The following RFX4 variants were observed in gnomAD, a reference collection of about 807,000 sequenced individuals.
RFX4 encodes the protein transcription factor RFX4.
In RFX4, 10 loss-of-function variants were observed where a neutral mutation model predicts 95.0. That is an observed-to-expected ratio of 0.11 (90% confidence interval 0.06 to 0.18). RFX4 has a LOEUF of 0.18. Among genes scored for constraint, RFX4 ranks in the 10% least tolerant of loss-of-function variants. RFX4 has a pLI of 1.00. For missense variants in RFX4, 640 were observed against 922.0 expected, an observed-to-expected ratio of 0.69 and a Z score of 3.96; for synonymous variants, 321 against 340.7, an observed-to-expected ratio of 0.94 and a Z score of 0.64.
intron 1 of RFX4, among the ~76,000 whole-genome samples, chr12:106,601,637 A>G (rs2137183891): frequency 6.6e-6 from 1 of 152,306 alleles, no homozygotes; most frequent in East Asian, 1.9e-4. Flanking sequence ...GTGCCTCAGG[A>G]ACAAAACTCA....
At chr12:106,697,280 G>T (rs996927940) in intron 8 of RFX4, among the ~76,000 whole-genome samples, 4 of 152,022 alleles carry the variant, frequency 2.6e-5, no homozygotes, top group Admixed American at 2.6e-4. Context: ...CCTTCCTGTT[G>T]GGACTGTTAC....
At chr12:106,612,035 A>C (rs1412426298) in intron 2 of RFX4, among the ~76,000 whole-genome samples, 1 of 152,210 alleles carries the variant, frequency 6.6e-6, no homozygotes, top group Non-Finnish European at 1.5e-5. Flanking sequence ...TGAAATCAGG[A>C]AATGTGTGAC....
chr12:106,584,947 G>A (rs781625852), intron 1 of RFX4, among the ~76,000 whole-genome samples: 1 of 152,196 alleles, frequency 6.6e-6, no homozygotes, highest in Non-Finnish European at 1.5e-5. Context: ...CTCCGGACAC[G>A]GCAGGCCCCG....
chr12:106,707,933 G>A (rs1430462929), intron 8 of RFX4, among the ~76,000 whole-genome samples: 1 of 152,218 alleles, frequency 6.6e-6, no homozygotes, highest in Non-Finnish European at 1.5e-5. Flanking sequence ...AGGAGTTCGA[G>A]ACCAGCCTGG....
At chr12:106,711,925 A>G (rs1415063576) in intron 10 of RFX4, among the ~76,000 whole-genome samples, 1 of 152,210 alleles carries the variant, frequency 6.6e-6, no homozygotes, top group African/African-American at 2.4e-5. Context: ...TATTTTTAGC[A>G]CAAAAGTGAC....
intron 2 of RFX4, among the ~76,000 whole-genome samples, chr12:106,622,827 G>C (rs983400338): frequency 8.4e-6 from 1 of 119,222 alleles, no homozygotes; most frequent in African/African-American, 3.3e-5. Flanking sequence ...CACCATGTTG[G>C]CCAGGATGGT....
Position 106,583,185 on chromosome 12 carries a change from G to A in RFX4, c.-136G>A. The A allele has an allele frequency of 1.5e-6, 1 of 677,524 alleles. No individual in the cohort carries two copies. The allele number at this position is 677,524 out of a possible 1,614,324, so 42.0% of individuals were successfully genotyped here. A position where few individuals can be genotyped will look rare whatever the true frequency, so the allele number is the denominator to read the frequency against. On this transcript the variant is annotated 5_prime_UTR_variant, in exon 1 of 18. It adds an upstream start codon to the 5' untranslated region. Coordinates refer to ENST00000392842, the MANE Select transcript of RFX4 (RefSeq NM_213594.3). ...TCTTTTCCTTTCCTCCTTTATCCTT[G>A]TGCCCCCTCACTTTCTGCGTCTCTC...
chr12:106,686,592 T>G (rs1489514092), intron 5 of RFX4, among the ~76,000 whole-genome samples: 1 of 151,954 alleles, frequency 6.6e-6, no homozygotes. Context: ...TAATGGAAAA[T>G]TTTTCATCCC....
At chr12:106,757,968 A>C (rs965792601) in intron 17 of RFX4, among the ~76,000 whole-genome samples, 2 of 152,244 alleles carry the variant, frequency 1.3e-5, no homozygotes, top group African/African-American at 4.8e-5. Flanking sequence ...GGCACCTCTC[A>C]TACACTCCTT....
At chr12:106,699,333 T>C (rs1368670376) in intron 8 of RFX4, among the ~76,000 whole-genome samples, 3 of 152,188 alleles carry the variant, frequency 2.0e-5, no homozygotes, top group Admixed American at 6.5e-5. Context: ...ATGTGGCCTA[T>C]TGGTGAATGT....
In RFX4 at chr12:106,720,975, T is replaced by C. The variant is rs1172411829; in HGVS notation, c.1351+99T>C. 1 of 1,003,616 alleles carries C rather than the reference T, an allele frequency of 1.0e-6. No individual in the cohort carries two copies. Among genetic ancestry groups the C allele is most frequent in the Admixed American group, 1.9e-5 (1 of 53,012 alleles). The allele number at this position is 1,003,616 out of a possible 1,614,324, so 62.2% of individuals were successfully genotyped here. On this transcript the variant is annotated intron_variant, in intron 13 of 17. Coordinates refer to ENST00000392842, the MANE Select transcript of RFX4 (RefSeq NM_213594.3). The surrounding 1 kb of genome is among the most constrained non-coding windows in gnomAD (Gnocchi z 4.2). ...AGTCTAACTTGCTGTTTCTGCAAGG[T>C]CATCACCCTGAAACACATCTCTTCT...
chr12:106,693,456 G>C (rs936966746), intron 7 of RFX4, among the ~76,000 whole-genome samples: 1 of 152,148 alleles, frequency 6.6e-6, no homozygotes, highest in African/African-American at 2.4e-5. Flanking sequence ...TATAAAAAAG[G>C]GGGTACGGCT....
intron 2 of RFX4, among the ~76,000 whole-genome samples, chr12:106,627,467 G>C (rs1330175962): frequency 6.6e-6 from 1 of 152,138 alleles, no homozygotes; most frequent in South Asian, 2.1e-4. Context: ...CCTGGGAGGT[G>C]AAGAGGTTGC....
rs1163891542 is a variant in RFX4, at chr12:106,604,115, CTT to C, written c.44-4661_44-4660del. Reference sequence around the variant, plus strand: ...GTTTATATCACTACAGCTTCTCTCTCTTTTTTTTTTTTTTTTTTTTTTGAGAA... The same window carrying C: ...GTTTATATCACTACAGCTTCTCTCTCTTTTTTTTTTTTTTTTTTTTGAGAA... On this transcript the variant is annotated intron_variant, in intron 1 of 17. Transcript: ENST00000392842. Among the ~76,000 whole-genome samples the C allele has an allele frequency of 2.1e-3, 235 of 112,794 alleles. 4 individuals carry two copies. Among genetic ancestry groups the C allele is most frequent in the African/African-American group, 7.9e-3 (218 of 27,592 alleles). The allele number at this position is 112,794 out of a possible 152,430, so 74.0% of individuals were successfully genotyped here.
intron 4 of RFX4, among the ~76,000 whole-genome samples, chr12:106,656,942 C>T (rs961005914): frequency 2.6e-5 from 4 of 152,234 alleles, no homozygotes; most frequent in African/African-American, 9.6e-5. Flanking sequence ...ACTCTAATGG[C>T]ATTAAGAACA....
At chr12:106,757,580 G>A (rs1363367355) in intron 17 of RFX4, among the ~76,000 whole-genome samples, 1 of 151,520 alleles carries the variant, frequency 6.6e-6, no homozygotes, top group Admixed American at 6.6e-5. Context: ...CAGCAGATGT[G>A]GACTGTCTGA....
intron 15 of RFX4, among the ~76,000 whole-genome samples, chr12:106,739,416 C>T (rs1383304261): frequency 1.3e-5 from 2 of 151,840 alleles, no homozygotes; most frequent in Non-Finnish European, 2.9e-5. Context: ...TATGTGTGCT[C>T]GGTGGCACAA....
Position 106,594,072 on chromosome 12 carries a change from T to G in RFX4, c.43+10709T>G, listed in dbSNP as rs914292147. ...AAGAAAATCAACACAGTTTGCTTCC[T>G]CCTTAAATGGCTACTAACCGGGCTA... On this transcript the variant is annotated intron_variant, in intron 1 of 17. Transcript: ENST00000392842. Among the ~76,000 whole-genome samples the G allele has an allele frequency of 7.9e-5, 12 of 152,228 alleles. No individual in the cohort carries two copies. In the East Asian group the frequency reaches 2.1e-3, roughly 27 times the overall value.
intron 1 of RFX4, 118 bp from the exon 2 acceptor site, chr12:106,608,679 T>C (rs550802201): frequency 2.9e-5 from 27 of 938,210 alleles, no homozygotes; most frequent in African/African-American, 2.7e-4. Flanking sequence ...TGAATATTGA[T>C]GAGCATTTAA....
Sources: gnomAD v4.1 joint callset for allele counts (sites outside exome capture counted in the v4.1 genomes callset) on GRCh38, gnomAD v4.1.1 for gene constraint, Gnocchi (gnomAD v3.1) non-coding constraint, MANE v1.5 for transcripts, NCBI Gene and HGNC (gene_info 2026-07-23, HGNC 2026-07-21) for gene names.